Variants in MCCC2 observed in about 807,000 individuals in gnomAD.
MCCC2 encodes the protein methylcrotonoyl-CoA carboxylase beta chain, mitochondrial.
In MCCC2, 52 loss-of-function variants were observed where a neutral mutation model predicts 77.2. The ratio of observed to expected loss-of-function variants is 0.67; its 90% CI spans 0.54 to 0.85. The LOEUF is 0.85. Ranked by LOEUF, MCCC2 falls within the 40% of genes least tolerant of loss-of-function variation. The pLI, the probability that MCCC2 is intolerant of heterozygous loss-of-function variation, is 0.00. For synonymous variants in MCCC2, 253 were observed against 248.4 expected, an observed-to-expected ratio of 1.02 and a Z score of -0.18; for missense variants, 682 against 703.2, an observed-to-expected ratio of 0.97 and a Z score of 0.34.
rs1218051728 is a variant in MCCC2, at chr5:71,657,328, A to G, written c.*468A>G. Reference sequence around the variant, plus strand: ...ACACTGCTGTGCAGCCATCACCACCATTCATCTCCAGAATTTGTTCTCAGT... The same window carrying G: ...ACACTGCTGTGCAGCCATCACCACCGTTCATCTCCAGAATTTGTTCTCAGT... On this transcript the variant is annotated 3_prime_UTR_variant, in exon 17 of 17. Coordinates refer to ENST00000340941, the MANE Select transcript of MCCC2 (RefSeq NM_022132.5). 5.9e-6 allele frequency: 1 copy of G among 170,706 alleles called. No homozygotes were observed. The highest frequency in any genetic ancestry group is 1.3e-5 in the Non-Finnish European group (1 of 79,522). 10.6% of individuals were successfully genotyped at this position (170,706 alleles called of 1,614,324 possible). A position where few individuals can be genotyped will look rare whatever the true frequency, so the allele number is the denominator to read the frequency against.
At chr5:71,606,788 G>T (rs1745694739) in intron 6 of MCCC2, among the ~76,000 whole-genome samples, 3 of 116,420 alleles carry the variant, frequency 2.6e-5, no homozygotes, top group Non-Finnish European at 1.7e-5. Context: ...AGCATGAAGG[G>T]TTGTTGAATT....
At chr5:71,605,771 G>A in intron 6 of MCCC2, among the ~76,000 whole-genome samples, 1 of 151,956 alleles carries the variant, frequency 6.6e-6, no homozygotes, top group East Asian at 1.9e-4. Flanking sequence ...TGTAAGGAAG[G>A]GATCCAGTTT....
chr5:71,629,612 AATAAGT>A (rs368838295), intron 7 of MCCC2, among the ~76,000 whole-genome samples: 13 of 152,298 alleles, frequency 8.5e-5, no homozygotes, highest in African/African-American at 3.1e-4. Context: ...TTTGATGTAA[AATAAGT>A]ATATTTCCCA....
At chr5:71,645,296 T>C (rs548716080) in intron 12 of MCCC2, among the ~76,000 whole-genome samples, 4 of 152,326 alleles carry the variant, frequency 2.6e-5, no homozygotes, top group African/African-American at 9.6e-5. Flanking sequence ...GCAATTACTT[T>C]GCAATTTTGT....
chr5:71,654,891 A>G (rs912799233), intron 16 of MCCC2, among the ~76,000 whole-genome samples: 10 of 150,902 alleles, frequency 6.6e-5, no homozygotes, highest in African/African-American at 2.2e-4. Context: ...CTGGAGTGCA[A>G]TGGCATGATC....
chr5:71,607,751 G>A (rs1474951304), intron 6 of MCCC2, among the ~76,000 whole-genome samples: 10 of 150,452 alleles, frequency 6.6e-5, no homozygotes, highest in Admixed American at 6.6e-5. Flanking sequence ...GTTTGAATGC[G>A]TCCCAGAGAT....
intron 12 of MCCC2, among the ~76,000 whole-genome samples, chr5:71,644,820 G>A (rs997324784): frequency 1.3e-5 from 2 of 151,874 alleles, no homozygotes; most frequent in African/African-American, 4.8e-5. Context: ...CAATAAAATT[G>A]GTTTCTGTAT....
Position 71,652,715 on chromosome 5 carries a change from A to C in MCCC2, c.1535A>C (p.Lys512Thr). 1 of 1,614,196 alleles carries C rather than the reference A, an allele frequency of 6.2e-7. No homozygotes were observed. The change falls in exon 16 of 17, where the codon AAG (lysine) becomes ACG (threonine). Residue 512 changes from lysine to threonine, a missense_variant. Lys to Thr is a moderately conservative substitution (Grantham distance 78, BLOSUM62 -1). Coordinates refer to ENST00000340941, the MANE Select transcript of MCCC2 (RefSeq NM_022132.5). ...EAALKEPIIKKFEEEGNPYYS... is the reference protein window; with the variant it reads ...EAALKEPIIKTFEEEGNPYYS... ...GCTTTAAAAGAGCCCATCATTAAGA[A>C]GTTTGAAGAGGAAGGAAACCCTTAC...
intron 1 of MCCC2, among the ~76,000 whole-genome samples, chr5:71,590,930 A>G (rs541686775): frequency 1.6e-4 from 25 of 152,298 alleles, no homozygotes; most frequent in African/African-American, 5.8e-4. Context: ...GCACTTGAGA[A>G]AAGTTACATA....
chr5:71,627,971 G>A (rs1197839678), intron 7 of MCCC2, among the ~76,000 whole-genome samples: 2 of 152,042 alleles, frequency 1.3e-5, no homozygotes, highest in Middle Eastern at 3.2e-3. Flanking sequence ...AGCCTCCCAA[G>A]TAGCTGGGAT....
At chr5:71,600,423 T>C (rs1745380462) in intron 4 of MCCC2, among the ~76,000 whole-genome samples, 1 of 151,886 alleles carries the variant, frequency 6.6e-6, no homozygotes, top group African/African-American at 2.4e-5. Context: ...GGCTAGCACA[T>C]CATTATAATT....
chr5:71,602,535 C>T lies in MCCC2; in HGVS notation c.413C>T (p.Ala138Val), dbSNP rs768188375. The T allele has an allele frequency of 1.7e-5, 27 of 1,613,956 alleles. No homozygotes were observed. The highest frequency in any genetic ancestry group is 2.7e-5 in the African/African-American group (2 of 74,888). The change falls in exon 5 of 17, where the codon GCC becomes GTC. Residue 138 changes from alanine to valine, a missense_variant. By Grantham distance (64) the Ala-to-Val change is moderately conservative (BLOSUM62 0). Coordinates refer to ENST00000340941, the MANE Select transcript of MCCC2 (RefSeq NM_022132.5). ...GAATGCATGATTATTGCCAATGATG[C>T]CACCGTCAAAGGAGGTGCCTACTAC... ...GVECMIIANDATVKGGAYYPV... is the reference protein window; with the variant it reads ...GVECMIIANDVTVKGGAYYPV...
chr5:71,648,212 A>G (rs1747323361), intron 13 of MCCC2, among the ~76,000 whole-genome samples: 1 of 152,182 alleles, frequency 6.6e-6, no homozygotes, highest in Non-Finnish European at 1.5e-5. Context: ...CAAACCAGGG[A>G]TAGTGGCAGT....
At chr5:71,652,487 C>T (rs72769405) in intron 15 of MCCC2, among the ~76,000 whole-genome samples, 182 bp from the exon 16 acceptor site, 345 of 152,314 alleles carry the variant, frequency 2.3e-3, no homozygotes, top group Middle Eastern at 0.01. Context: ...GGATGGGGCA[C>T]TAACTTGATA....
intron 6 of MCCC2, among the ~76,000 whole-genome samples, chr5:71,604,868 G>T (rs1745607127): frequency 1.4e-5 from 2 of 142,770 alleles, no homozygotes; most frequent in South Asian, 2.4e-4. Flanking sequence ...TACTGAGAAT[G>T]ATGATTTCCA....
intron 6 of MCCC2, among the ~76,000 whole-genome samples, chr5:71,607,185 G>C (rs868390236): frequency 6.6e-6 from 1 of 151,940 alleles, no homozygotes; most frequent in Non-Finnish European, 1.5e-5. Context: ...GGTAGAATTC[G>C]GCTGTGAATC....
At chr5:71,604,247 GT>G in intron 5 of MCCC2, 108 bp from the exon 6 acceptor site, 1 of 977,030 alleles carries the variant, frequency 1.0e-6, no homozygotes, top group South Asian at 1.3e-5. Context: ...GACAGGGCAA[GT>G]TTTTTGTGAA....
At chr5:71,601,824 A>G (rs1267069038) in intron 4 of MCCC2, among the ~76,000 whole-genome samples, 1 of 152,110 alleles carries the variant, frequency 6.6e-6, no homozygotes. Flanking sequence ...AGTTTCCCCA[A>G]CCAGCTGTGG....
chr5:71,635,514 C>CCATG (rs1746885751), intron 10 of MCCC2: 1 of 492,192 alleles, frequency 2.0e-6, no homozygotes, highest in Non-Finnish European at 3.8e-6. Context: ...AAGTAAGACT[C>CCATG]CATGTCCTGT....
Sources: allele counts gnomAD v4.1 joint callset (sites outside exome capture counted in the v4.1 genomes callset), GRCh38; gene constraint gnomAD v4.1.1; transcripts MANE v1.5; gene names NCBI Gene and HGNC (gene_info 2026-07-23, HGNC 2026-07-21).